The following RBFOX2 variants were observed in gnomAD, a reference collection of about 807,000 sequenced individuals.
The protein encoded by RBFOX2 is RNA binding fox-1 homolog 2.
A neutral mutation model predicts 49.1 loss-of-function variants in RBFOX2; 10 were observed. That is an observed-to-expected ratio of 0.20 (90% CI 0.13 to 0.35). The LOEUF is 0.35. RBFOX2 is among the 10% of genes least tolerant of loss of function. The pLI is 1.00. For missense variants in RBFOX2, 323 were observed against 486.9 expected (o/e 0.66, Z 3.17); for synonymous variants, 183 against 187.4 (o/e 0.98, Z 0.19).
chr22:35,784,058 G>A (rs560041865), intron 2 of RBFOX2, among the ~76,000 whole-genome samples: 12 of 152,298 alleles, frequency 7.9e-5, no homozygotes, highest in African/African-American at 1.7e-4. Context: ...GGGCAGGGAC[G>A]GGCACTGGGA....
chr22:35,740,073 G>C (rs1445321315), exon 12 of RBFOX2: 1 of 152,662 alleles, frequency 6.6e-6, no homozygotes, highest in Non-Finnish European at 1.5e-5. Context: ...TAGTGCATCT[G>C]ATTGAGGAAT....
chr22:35,769,296 T>A (rs538834129), intron 4 of RBFOX2, among the ~76,000 whole-genome samples: 1 of 152,172 alleles, frequency 6.6e-6, no homozygotes, highest in African/African-American at 2.4e-5. Flanking sequence ...GCAATGCAGC[T>A]GGTATAATGA....
At chr22:35,821,260 T>C (rs1954397011) in intron 1 of RBFOX2, among the ~76,000 whole-genome samples, 1 of 152,152 alleles carries the variant, frequency 6.6e-6, no homozygotes, top group Non-Finnish European at 1.5e-5. Flanking sequence ...AATTAACACA[T>C]GCACATGATA....
At chr22:35,838,448 G>A (rs984449852) in intron 1 of RBFOX2, among the ~76,000 whole-genome samples, 6 of 152,138 alleles carry the variant, frequency 3.9e-5, no homozygotes, top group Non-Finnish European at 5.9e-5. Context: ...ATCAGAGGGC[G>A]ATGAAGTTCT....
At chr22:35,818,604 CG>C (rs983173262) in intron 1 of RBFOX2, among the ~76,000 whole-genome samples, 1 of 151,938 alleles carries the variant, frequency 6.6e-6, no homozygotes, top group African/African-American at 2.4e-5. Flanking sequence ...GGCAACATAG[CG>C]AGACCCTATC....
intron 1 of RBFOX2, among the ~76,000 whole-genome samples, chr22:35,830,547 G>A (rs1042042850): frequency 6.6e-6 from 1 of 152,160 alleles, no homozygotes; most frequent in East Asian, 1.9e-4. Flanking sequence ...AATTTAGATG[G>A]TATTGCCTAC....
intron 1 of RBFOX2, among the ~76,000 whole-genome samples, chr22:36,018,244 A>AT (rs1430385143): frequency 6.6e-6 from 1 of 152,234 alleles, no homozygotes; most frequent in Non-Finnish European, 1.5e-5. Context: ...GTCCTTTAAC[A>AT]GAGCTATAGA....
intron 1 of RBFOX2, among the ~76,000 whole-genome samples, chr22:35,871,367 GA>G: frequency 6.6e-6 from 1 of 152,310 alleles, no homozygotes; most frequent in African/African-American, 2.4e-5. Flanking sequence ...AAGGCATTCT[GA>G]AAAACAGTTC....
At chr22:35,994,182 A>T (rs574034240) in intron 1 of RBFOX2, 1 of 129,374 alleles carries the variant, frequency 7.7e-6, no homozygotes, top group African/African-American at 3.0e-5. Context: ...TAAAAATGGT[A>T]AAAAAAAAAA....
intron 9 of RBFOX2, among the ~76,000 whole-genome samples, chr22:35,756,539 G>T (rs1936999584): frequency 6.6e-6 from 1 of 152,116 alleles, no homozygotes; most frequent in African/African-American, 2.4e-5. Context: ...TTTTTAAAGA[G>T]CTTACAAAGT....
chr22:35,788,969 T>C (rs1354917114), intron 2 of RBFOX2, among the ~76,000 whole-genome samples: 2 of 152,208 alleles, frequency 1.3e-5, no homozygotes, highest in African/African-American at 4.8e-5. Context: ...CTCTTGTATT[T>C]CCCATCTCTG....
intron 1 of RBFOX2, among the ~76,000 whole-genome samples, chr22:35,957,278 G>A (rs757291994): frequency 2.0e-5 from 3 of 151,998 alleles, no homozygotes; most frequent in Admixed American, 1.3e-4. Context: ...TTCCTTAATG[G>A]GGTGGCCCTG....
chr22:35,867,048 A>G (rs1001280540), intron 1 of RBFOX2, among the ~76,000 whole-genome samples: 2 of 151,892 alleles, frequency 1.3e-5, no homozygotes, highest in Non-Finnish European at 2.9e-5. Flanking sequence ...AAATTATCTA[A>G]GACTGAAGGG....
chr22:35,848,535 A>G (rs2148943040), intron 1 of RBFOX2, among the ~76,000 whole-genome samples: 1 of 152,346 alleles, frequency 6.6e-6, no homozygotes, highest in African/African-American at 2.4e-5. Flanking sequence ...CAGAGAGCTT[A>G]CCCAACAGGC....
intron 1 of RBFOX2, among the ~76,000 whole-genome samples, chr22:35,817,814 T>TA (rs1953485894): frequency 1.3e-5 from 2 of 152,068 alleles, no homozygotes; most frequent in Non-Finnish European, 2.9e-5. Flanking sequence ...AATAAATTTT[T>TA]AAAAAACCAG....
At chr22:36,028,478 T>G in exon 1 of RBFOX2, 1 of 1,128,796 alleles carries the variant, frequency 8.9e-7, no homozygotes, top group Non-Finnish European at 1.1e-6. Flanking sequence ...ACAGGCCACC[T>G]CCCCCTGGGC....
intron 1 of RBFOX2, among the ~76,000 whole-genome samples, chr22:35,990,419 G>A (rs1023037297): frequency 6.6e-6 from 1 of 152,206 alleles, no homozygotes; most frequent in Admixed American, 6.5e-5. Flanking sequence ...AACAAAAAGG[G>A]AGAGAATACA....
intron 1 of RBFOX2, chr22:35,822,064 C>G (rs939366237): frequency 2.1e-6 from 1 of 466,884 alleles, no homozygotes; most frequent in East Asian, 6.4e-5. Context: ...CCTTGTCTCA[C>G]TCTTCTTTCC....
At chr22:35,802,033 T>C (rs1448537519) in intron 2 of RBFOX2, among the ~76,000 whole-genome samples, 1 of 152,160 alleles carries the variant, frequency 6.6e-6, no homozygotes, top group Non-Finnish European at 1.5e-5. Flanking sequence ...TACATATGGG[T>C]TATCTCTTTA....
Sources: gnomAD v4.1 joint callset for allele counts (sites outside exome capture counted in the v4.1 genomes callset) on GRCh38, gnomAD v4.1.1 for gene constraint, MANE v1.5 for transcripts, NCBI Gene and HGNC (gene_info 2026-07-23, HGNC 2026-07-21) for gene names.